ADAMTS20: variants seen among roughly 807,000 people sequenced by gnomAD.
ADAMTS20 encodes the protein A disintegrin and metalloproteinase with thrombospondin motifs 20.
In ADAMTS20, 225 loss-of-function variants were observed where a neutral mutation model predicts 260.1. That is an observed-to-expected ratio of 0.87 (90% CI 0.78 to 0.97). The LOEUF is 0.97. Among genes scored for constraint, ADAMTS20 ranks in the 50% least tolerant of loss-of-function variants. The pLI, the probability that ADAMTS20 is intolerant of heterozygous loss-of-function variation, is 0.00. For missense variants in ADAMTS20, 2,400 were observed against 2,337.7 expected, an observed-to-expected ratio of 1.03 and a Z score of -0.55; for synonymous variants, 802 against 769.5, an observed-to-expected ratio of 1.04 and a Z score of -0.70.
chr12:43,471,137 C>A (rs1241186897), intron 7 of ADAMTS20, among the ~76,000 whole-genome samples: 1 of 152,070 alleles, frequency 6.6e-6, no homozygotes, highest in Non-Finnish European at 1.5e-5. Flanking sequence ...ACGCACCGTG[C>A]GAGAGCCGAA....
chr12:43,455,028 T>C (rs1941939368), intron 11 of ADAMTS20, among the ~76,000 whole-genome samples: 2 of 152,126 alleles, frequency 1.3e-5, no homozygotes, highest in African/African-American at 4.8e-5. Flanking sequence ...TGAAGCCCTA[T>C]ACCCATTAAA....
At chr12:43,523,961 C>A (rs1943107032) in intron 3 of ADAMTS20, among the ~76,000 whole-genome samples, 1 of 151,738 alleles carries the variant, frequency 6.6e-6, no homozygotes, top group South Asian at 2.1e-4. Context: ...AGAGTACCTC[C>A]CCTGGGTAAC....
chr12:43,526,455 C>T lies in ADAMTS20; in HGVS notation c.613+5581G>A, dbSNP rs149285531. 1.9e-3 allele frequency among the ~76,000 whole-genome samples: 282 copies of T among 151,422 alleles called. 1 individual carries two copies. Among genetic ancestry groups the T allele is most frequent in the Middle Eastern group, 6.8e-3 (2 of 294 alleles). On this transcript the variant is annotated intron_variant, in intron 3 of 38. Coordinates refer to ENST00000389420, the MANE Select transcript of ADAMTS20 (RefSeq NM_025003.5). ...CCTGAGTGACAGAGCAATACTCCGT[C>T]TCAAAAAAAAAATAGGAATCATATC...
At chr12:43,410,041 T>C (rs1301805541) in intron 28 of ADAMTS20, among the ~76,000 whole-genome samples, 1 of 152,162 alleles carries the variant, frequency 6.6e-6, no homozygotes, top group African/African-American at 2.4e-5. Flanking sequence ...AGTCAATTAT[T>C]CCAATATAAG....
intron 33 of ADAMTS20, 25 bp from the exon 34 acceptor site, chr12:43,376,355 TAACAC>T: frequency 2.0e-6 from 3 of 1,512,904 alleles, no homozygotes; most frequent in Middle Eastern, 1.9e-4. Flanking sequence ...TAACACAACT[TAACAC>T]AGAGCAAATT....
intron 3 of ADAMTS20, among the ~76,000 whole-genome samples, chr12:43,516,663 C>A (rs191930379): frequency 6.6e-6 from 1 of 152,114 alleles, no homozygotes; most frequent in East Asian, 1.9e-4. Context: ...GAGCTTATAT[C>A]GTATGGTCCA....
chr12:43,551,311 C>A lies in ADAMTS20; in HGVS notation c.92-41G>T. The A allele has an allele frequency of 6.3e-7, 1 of 1,582,006 alleles. No homozygotes were observed. Among genetic ancestry groups the A allele is most frequent in the Non-Finnish European group, 8.6e-7 (1 of 1,162,502 alleles). ...CAGGACCAGTGAGCTCCCACGCGTTCCTCATTGTCCAACTCTAAACTTCTT... is the reference window on the plus strand; with the variant it reads ...CAGGACCAGTGAGCTCCCACGCGTTACTCATTGTCCAACTCTAAACTTCTT... On this transcript the variant is annotated intron_variant, in intron 1 of 38. Coordinates refer to ENST00000389420, the MANE Select transcript of ADAMTS20 (RefSeq NM_025003.5). The surrounding 1 kb of genome is among the most constrained non-coding windows in gnomAD (Gnocchi z 4.6).
intron 4 of ADAMTS20, among the ~76,000 whole-genome samples, chr12:43,499,329 G>A (rs940710045): frequency 1.3e-5 from 2 of 152,120 alleles, no homozygotes; most frequent in African/African-American, 4.8e-5. Flanking sequence ...ACATGCATTG[G>A]TCTGTTGTTT....
intron 2 of ADAMTS20, among the ~76,000 whole-genome samples, chr12:43,536,558 A>C (rs1943297915): frequency 6.6e-6 from 1 of 152,214 alleles, no homozygotes. Context: ...GTGGGGAGGC[A>C]CTCTGGAGGG....
At chr12:43,538,935 A>AG (rs201272782) in intron 2 of ADAMTS20, among the ~76,000 whole-genome samples, 1,594 of 82,046 alleles carry the variant, frequency 0.019, 29 homozygotes, top group African/African-American at 0.058. Context: ...ATAATTCTTT[A>AG]ATTTTTTTAT....
intron 35 of ADAMTS20, 47 bp downstream of exon 35, chr12:43,376,010 T>C: frequency 2.1e-6 from 3 of 1,395,522 alleles, no homozygotes; most frequent in Non-Finnish European, 3.0e-6. Flanking sequence ...TCCAATTCTC[T>C]TGGAGGACCA....
chr12:43,523,525 G>A (rs1475094235), intron 3 of ADAMTS20, among the ~76,000 whole-genome samples: 1 of 152,172 alleles, frequency 6.6e-6, no homozygotes, highest in Non-Finnish European at 1.5e-5. Flanking sequence ...CAACCTGGGA[G>A]GGATGTGGCT....
chr12:43,421,280 T>TAAAAAAAAAA (rs759627288), intron 28 of ADAMTS20, among the ~76,000 whole-genome samples: 1 of 27,012 alleles, frequency 3.7e-5, no homozygotes, highest in Non-Finnish European at 7.8e-5. Flanking sequence ...AGCTTTCATT[T>TAAAAAAAAAA]ACAAAAAAAA....
At chr12:43,353,251 T>C (rs1230596165), downstream of ADAMTS20, among the ~76,000 whole-genome samples, 1 of 152,058 alleles carries the variant, frequency 6.6e-6, no homozygotes, top group Non-Finnish European at 1.5e-5. Flanking sequence ...GAGAAACCTC[T>C]GATATAAAAT....
chr12:43,471,027 G>A (rs555811795), intron 7 of ADAMTS20, among the ~76,000 whole-genome samples: 8 of 152,140 alleles, frequency 5.3e-5, no homozygotes, highest in Non-Finnish European at 7.3e-5. Context: ...AGCTCCCAGC[G>A]TGAGCGACGC....
intron 14 of ADAMTS20, among the ~76,000 whole-genome samples, chr12:43,448,877 T>C (rs1941810400): frequency 1.3e-5 from 2 of 151,790 alleles, no homozygotes; most frequent in African/African-American, 2.4e-5. Flanking sequence ...CCAACAAGCC[T>C]ACAAAAAAAG....
intron 4 of ADAMTS20, among the ~76,000 whole-genome samples, chr12:43,501,321 A>G (rs181774319): frequency 1.2e-4 from 18 of 151,982 alleles, no homozygotes; most frequent in Admixed American, 1.1e-3. Flanking sequence ...CAGCCTCCCA[A>G]AGTGCTGGGA....
Position 43,443,791 on chromosome 12 carries a change from C to A in ADAMTS20, c.2290G>T (p.Ala764Ser), listed in dbSNP as rs1291630697. ...YSGQPDDSYL[A>S]LSDAEGNFLF... Reference sequence around the variant, plus strand: ...GCTGTTGTTTACGAGAAATGTTTACCAAGGTAACTGTCATCTGGTTGTCCA... The same window carrying A: ...GCTGTTGTTTACGAGAAATGTTTACAAAGGTAACTGTCATCTGGTTGTCCA... The change falls in exon 16 of 39, where the codon GCA (alanine) becomes TCA (serine). Residue 764 changes from alanine (A) to serine (S), a missense_variant and splice_region_variant. Physicochemically the swap from Ala to Ser is moderately conservative, Grantham distance 99. Transcript: ENST00000389420. The A allele has an allele frequency of 3.1e-6, 5 of 1,610,768 alleles. No individual in the cohort carries two copies. The highest frequency in any genetic ancestry group is 4.2e-6 in the Non-Finnish European group (5 of 1,177,542).
At chr12:43,469,022 A>T (rs1269930511) in intron 7 of ADAMTS20, among the ~76,000 whole-genome samples, 1 of 152,130 alleles carries the variant, frequency 6.6e-6, no homozygotes, top group Non-Finnish European at 1.5e-5. Flanking sequence ...AAGTGTTTTA[A>T]CACATTAGCG....
Sources: gnomAD v4.1 joint callset for allele counts (sites outside exome capture counted in the v4.1 genomes callset) on GRCh38, gnomAD v4.1.1 for gene constraint, Gnocchi (gnomAD v3.1) non-coding constraint, MANE v1.5 for transcripts, NCBI Gene and HGNC (gene_info 2026-07-23, HGNC 2026-07-21) for gene names.